CIMIP5: variants seen among roughly 807,000 people sequenced by gnomAD.
The protein encoded by CIMIP5 is ciliary microtubule inner protein 5, also known as uncharacterized protein C2orf50.
the CIMIP5 span, among the ~76,000 whole-genome samples, chr2:11,136,325 CAG>C: frequency 6.6e-6 from 1 of 152,098 alleles, no homozygotes; most frequent in East Asian, 1.9e-4. Flanking sequence ...CAACAATTAA[CAG>C]AGTGAAAAGG....
chr2:11,146,380 C>G, the CIMIP5 span, among the ~76,000 whole-genome samples: 3 of 152,234 alleles, frequency 2.0e-5, no homozygotes, highest in South Asian at 6.2e-4. Context: ...CTATATGGGT[C>G]CCCTTTAATC....
chr2:11,133,873 C>T, the CIMIP5 span, among the ~76,000 whole-genome samples: 1 of 152,110 alleles, frequency 6.6e-6, no homozygotes, highest in Non-Finnish European at 1.5e-5. Context: ...TGAGCTGGAG[C>T]CTGCTGGCCT....
At chr2:11,140,393 A>T in the CIMIP5 span, 2 of 644,864 alleles carry the variant, frequency 3.1e-6, no homozygotes, top group Non-Finnish European at 4.8e-6. Context: ...AAAAAAAAAA[A>T]AAAAATTATT....
the CIMIP5 span, among the ~76,000 whole-genome samples, chr2:11,139,068 C>A: frequency 6.6e-6 from 1 of 152,102 alleles, no homozygotes; most frequent in Non-Finnish European, 1.5e-5. Context: ...CAGGCGCCCG[C>A]CACCATGCCC....
the CIMIP5 span, among the ~76,000 whole-genome samples, chr2:11,143,548 A>C: frequency 5.9e-3 from 850 of 144,850 alleles, 14 homozygotes; most frequent in African/African-American, 0.021. Context: ...TGAATGTTAT[A>C]CTCTTAAGTA....
At chr2:11,140,638 A>G in the CIMIP5 span, 3 of 1,036,316 alleles carry the variant, frequency 2.9e-6, no homozygotes, top group Admixed American at 1.9e-5. Context: ...TTGAAGATCT[A>G]CTCTACACCA....
the CIMIP5 span, among the ~76,000 whole-genome samples, chr2:11,133,823 CACCTCGTTCATTCCG>C: frequency 2.0e-5 from 3 of 152,268 alleles, no homozygotes; most frequent in South Asian, 6.2e-4. Context: ...AGAGCAGCCC[CACCTCGTTCATTCCG>C]ACTGCGACGC....
chr2:11,144,105 C>T, the CIMIP5 span: 1 of 1,582,246 alleles, frequency 6.3e-7, no homozygotes, highest in Non-Finnish European at 8.6e-7. Flanking sequence ...AGATGCAGCC[C>T]ATCTAGGAGC....
the CIMIP5 span, among the ~76,000 whole-genome samples, chr2:11,150,873 T>TAA: frequency 3.1e-4 from 44 of 143,156 alleles, no homozygotes; most frequent in South Asian, 9.4e-3. Flanking sequence ...TGCCAAGAAT[T>TAA]AAAAAAAAAA....
the CIMIP5 span, among the ~76,000 whole-genome samples, chr2:11,152,811 C>T: frequency 5.0e-3 from 766 of 152,188 alleles, 3 homozygotes; most frequent in African/African-American, 0.018. Context: ...TGAGATGTCC[C>T]GCTGGGCATG....
chr2:11,148,470 C>T, the CIMIP5 span, among the ~76,000 whole-genome samples: 1 of 151,940 alleles, frequency 6.6e-6, no homozygotes, highest in African/African-American at 2.4e-5. Flanking sequence ...CAAGGCGAGC[C>T]TGGAGCAACT....
chr2:11,150,254 TAGG>T, the CIMIP5 span, among the ~76,000 whole-genome samples: 3 of 152,044 alleles, frequency 2.0e-5, no homozygotes, highest in Admixed American at 6.5e-5. Context: ...CCCTTGTTCT[TAGG>T]AGGTGTTTGC....
chr2:11,140,486 A>T, the CIMIP5 span: 1 of 1,531,840 alleles, frequency 6.5e-7, no homozygotes. Flanking sequence ...GAACTCACAC[A>T]GCCAACATGT....
At chr2:11,140,833 A>G in the CIMIP5 span, among the ~76,000 whole-genome samples, 1 of 152,314 alleles carries the variant, frequency 6.6e-6, no homozygotes, top group Admixed American at 6.5e-5. Flanking sequence ...CTGATTGAGG[A>G]TGGCAGCAAT....
the CIMIP5 span, among the ~76,000 whole-genome samples, chr2:11,154,007 G>T: frequency 2.0e-5 from 3 of 151,944 alleles, no homozygotes; most frequent in Admixed American, 2.0e-4. Context: ...GACAGGGTCT[G>T]GCTCTGTCTC....
chr2:11,137,105 G>A, the CIMIP5 span, among the ~76,000 whole-genome samples: 1 of 152,196 alleles, frequency 6.6e-6, no homozygotes, highest in Non-Finnish European at 1.5e-5. Flanking sequence ...GGGCACAATC[G>A]CTCACACCTA....
the CIMIP5 span, chr2:11,144,155 G>T: frequency 1.3e-6 from 2 of 1,494,932 alleles, no homozygotes; most frequent in South Asian, 1.4e-5. Flanking sequence ...GGGTGTGGGT[G>T]GGGACAAGAG....
the CIMIP5 span, among the ~76,000 whole-genome samples, chr2:11,138,481 C>A: frequency 6.6e-6 from 1 of 152,168 alleles, no homozygotes; most frequent in African/African-American, 2.4e-5. Flanking sequence ...AACTCTTCAT[C>A]TCCCATAATA....
the CIMIP5 span, among the ~76,000 whole-genome samples, chr2:11,153,924 C>CAAA: frequency 0.012 from 1,636 of 139,390 alleles, 35 homozygotes; most frequent in African/African-American, 0.041. Context: ...AACTCCGTCT[C>CAAA]AAAAAAAAAA....
Sources: gnomAD v4.1 joint callset for allele counts (sites outside exome capture counted in the v4.1 genomes callset) on GRCh38, gnomAD v4.1.1 for gene constraint, MANE v1.5 for transcripts, NCBI Gene and HGNC (gene_info 2026-07-23, HGNC 2026-07-21) for gene names.